NDST4: variants seen among roughly 807,000 people sequenced by gnomAD.
The protein encoded by NDST4 is N-deacetylase and N-sulfotransferase 4.
Under a neutral mutation model 100.8 loss-of-function variants are expected in NDST4, and 63 were observed. The observed-to-expected ratio is 0.62, with a 90% CI of 0.51 to 0.77. NDST4 has a LOEUF of 0.77. Among genes scored for constraint, NDST4 ranks in the 30% least tolerant of loss-of-function variants. The pLI, the probability that NDST4 is intolerant of heterozygous loss-of-function variation, is 0.00. For synonymous variants in NDST4, 377 were observed against 361.8 expected (o/e 1.04, Z -0.48); for missense variants, 943 against 1,018.4 (o/e 0.93, Z 1.01).
intron 13 of NDST4, among the ~76,000 whole-genome samples, chr4:114,828,286 G>T (rs2126178328): frequency 6.6e-6 from 1 of 152,134 alleles, no homozygotes; most frequent in East Asian, 1.9e-4. Context: ...ATTTATGGAG[G>T]TAAGCTAGAT....
chr4:115,070,911 C>A (rs185261591), intron 2 of NDST4, among the ~76,000 whole-genome samples: 1 of 151,920 alleles, frequency 6.6e-6, no homozygotes, highest in Non-Finnish European at 1.5e-5. Flanking sequence ...TTGATGCCAG[C>A]GTGGCCAACA....
At chr4:114,978,363 T>C (rs1726684222) in intron 2 of NDST4, among the ~76,000 whole-genome samples, 1 of 151,948 alleles carries the variant, frequency 6.6e-6, no homozygotes, top group Non-Finnish European at 1.5e-5. Flanking sequence ...GAAAGGAGTC[T>C]CCTGTACATT....
intron 6 of NDST4, among the ~76,000 whole-genome samples, chr4:114,899,334 C>T (rs373895940): frequency 3.3e-5 from 5 of 152,006 alleles, no homozygotes; most frequent in East Asian, 1.9e-4. Flanking sequence ...TGTGCCACCA[C>T]GCCAGGCTAA....
intron 2 of NDST4, among the ~76,000 whole-genome samples, chr4:115,038,371 G>T (rs1024126616): frequency 2.6e-5 from 4 of 152,210 alleles, no homozygotes; most frequent in South Asian, 2.1e-4. Flanking sequence ...CAATGGAAAA[G>T]GGAGCCCTCA....
At chr4:114,939,393 TGAG>T (rs1228368896) in intron 4 of NDST4, among the ~76,000 whole-genome samples, 1 of 152,178 alleles carries the variant, frequency 6.6e-6, no homozygotes, top group Non-Finnish European at 1.5e-5. Flanking sequence ...TGATTCATAC[TGAG>T]GTTTTATAAG....
chr4:115,072,619 A>T (rs1426747549), intron 2 of NDST4, among the ~76,000 whole-genome samples: 3 of 152,018 alleles, frequency 2.0e-5, no homozygotes. Flanking sequence ...TAGTGTTAGG[A>T]AAACTAGATA....
At chr4:114,832,775 A>G (rs565811832) in intron 12 of NDST4, among the ~76,000 whole-genome samples, 28 of 152,272 alleles carry the variant, frequency 1.8e-4, no homozygotes, top group Admixed American at 5.2e-4. Context: ...GCTGTCTTGG[A>G]CCACATGCTC....
At chr4:115,026,317 A>C (rs1198643938) in intron 2 of NDST4, among the ~76,000 whole-genome samples, 2 of 152,062 alleles carry the variant, frequency 1.3e-5, no homozygotes, top group East Asian at 3.9e-4. Flanking sequence ...ATTATAGTTA[A>C]GTATATTTGA....
At chr4:114,965,271 GTTTCA>G (rs758150441) in intron 4 of NDST4, among the ~76,000 whole-genome samples, 1 of 151,836 alleles carries the variant, frequency 6.6e-6, no homozygotes, top group Admixed American at 6.6e-5. Flanking sequence ...CTCTCTCTCA[GTTTCA>G]TTTCATTATA....
At chr4:114,960,268 C>T (rs1726231840) in intron 4 of NDST4, among the ~76,000 whole-genome samples, 1 of 152,168 alleles carries the variant, frequency 6.6e-6, no homozygotes, top group South Asian at 2.1e-4. Context: ...AAATGTAGTT[C>T]TTCAGACTGA....
At chr4:115,092,245 C>T (rs543953200) in intron 1 of NDST4, among the ~76,000 whole-genome samples, 60 of 152,236 alleles carry the variant, frequency 3.9e-4, no homozygotes, top group African/African-American at 1.3e-3. Context: ...TTTTTTTCTG[C>T]ACCCACTTAT....
intron 1 of NDST4, among the ~76,000 whole-genome samples, chr4:115,108,360 G>T (rs1729874755): frequency 6.6e-6 from 1 of 151,942 alleles, no homozygotes; most frequent in East Asian, 1.9e-4. Flanking sequence ...CTGTGGATCA[G>T]CAGTCTACAA....
At position 114,849,341 on chromosome 4, in the gene NDST4, A is replaced by C. The variant is rs74960084; in HGVS notation, c.1817-1003T>G. ...GGTAAACTGTTCTGTGATACATTGG[A>C]GTGAGCAGCAGTTGTTAGATTTCCT... On this transcript the variant is annotated intron_variant, in intron 8 of 13. Transcript: ENST00000264363. 5.4e-3 allele frequency among the ~76,000 whole-genome samples: 820 copies of C among 152,324 alleles called. 6 individuals are homozygous for C. The highest frequency in any genetic ancestry group is 7.4e-3 in the Non-Finnish European group (504 of 68,030).
At chr4:115,028,059 TAA>T (rs555507040) in intron 2 of NDST4, among the ~76,000 whole-genome samples, 1 of 142,502 alleles carries the variant, frequency 7.0e-6, no homozygotes, top group Non-Finnish European at 1.5e-5. Context: ...AAACTCCGTC[TAA>T]AAAAAAAAAA....
intron 2 of NDST4, among the ~76,000 whole-genome samples, chr4:115,052,484 G>A (rs1343000332): frequency 1.3e-5 from 2 of 152,084 alleles, no homozygotes; most frequent in Non-Finnish European, 2.9e-5. Flanking sequence ...GAGGGACCTG[G>A]TGTGAGGTAA....
intron 1 of NDST4, among the ~76,000 whole-genome samples, chr4:115,109,554 A>G (rs1162526756): frequency 1.3e-5 from 2 of 151,966 alleles, no homozygotes; most frequent in East Asian, 1.9e-4. Flanking sequence ...TCTATAATTC[A>G]CTAGAGTCAT....
intron 1 of NDST4, among the ~76,000 whole-genome samples, chr4:115,101,877 C>T (rs2126298382): frequency 6.6e-6 from 1 of 152,190 alleles, no homozygotes; most frequent in Non-Finnish European, 1.5e-5. Context: ...TTCCCATGGA[C>T]TGACGTCATT....
chr4:114,932,101 T>A (rs1260260926), intron 6 of NDST4, among the ~76,000 whole-genome samples: 1 of 151,756 alleles, frequency 6.6e-6, no homozygotes, highest in Non-Finnish European at 1.5e-5. Flanking sequence ...CTCAATGAAA[T>A]CCTAACAAGC....
chr4:114,897,814 T>C lies in NDST4; in HGVS notation c.1537-26864A>G, dbSNP rs144185684. 1.1e-3 allele frequency among the ~76,000 whole-genome samples: 162 copies of C among 152,320 alleles called. 2 individuals are homozygous for C. The highest frequency in any genetic ancestry group is 3.6e-3 in the African/African-American group (149 of 41,576). ...ATTAACCTGCATTTCCCTGATGACA[T>C]GATGTGGAACGTTTCTTCATATTCT... On this transcript the variant is annotated intron_variant, in intron 6 of 13. Coordinates refer to ENST00000264363, the MANE Select transcript of NDST4 (RefSeq NM_022569.3).
Sources: gnomAD v4.1 joint callset for allele counts (sites outside exome capture counted in the v4.1 genomes callset) on GRCh38, gnomAD v4.1.1 for gene constraint, MANE v1.5 for transcripts, NCBI Gene and HGNC (gene_info 2026-07-23, HGNC 2026-07-21) for gene names.